The following GABBR2 variants were observed in gnomAD, a reference collection of about 807,000 sequenced individuals.
GABBR2 encodes the protein gamma-aminobutyric acid type B receptor subunit 2.
Under a neutral mutation model 105.6 loss-of-function variants are expected in GABBR2, and 23 were observed. The ratio of observed to expected loss-of-function variants is 0.22; its 90% CI spans 0.16 to 0.31. The LOEUF is 0.31. Among genes scored for constraint, GABBR2 ranks in the 10% least tolerant of loss-of-function variants. GABBR2 has a pLI of 1.00. For missense variants in GABBR2, 734 were observed against 1,245.5 expected, an observed-to-expected ratio of 0.59 and a Z score of 6.18; for synonymous variants, 478 against 499.7, an observed-to-expected ratio of 0.96 and a Z score of 0.58.
At position 98,290,344 on chromosome 9, in the gene GABBR2, G is replaced by T; in HGVS notation, c.*240C>A. 4.8e-6 allele frequency: 1 copy of T among 210,440 alleles called. No individual in the cohort carries two copies. The highest frequency in any genetic ancestry group is 9.2e-5 in the East Asian group (1 of 10,882). 13.0% of individuals were successfully genotyped at this position (210,440 alleles called of 1,614,324 possible). ...CTTGTTTGCAGATGTTAAGGAAGAC[G>T]TCCCATTTCCGTTCCTCTTCTTTGT... On this transcript the variant is annotated 3_prime_UTR_variant, in exon 19 of 19. Coordinates refer to ENST00000259455, the MANE Select transcript of GABBR2 (RefSeq NM_005458.8).
chr9:98,618,096 G>A (rs367715919), intron 1 of GABBR2, among the ~76,000 whole-genome samples: 10 of 152,228 alleles, frequency 6.6e-5, no homozygotes, highest in Admixed American at 3.3e-4. Flanking sequence ...ATGAAGAAAC[G>A]TGATTTTACC....
At chr9:98,504,679 T>C (rs1827470406) in intron 3 of GABBR2, among the ~76,000 whole-genome samples, 2 of 152,198 alleles carry the variant, frequency 1.3e-5, no homozygotes, top group Admixed American at 1.3e-4. Context: ...CTGACTAAAG[T>C]GTATAATTAT....
At chr9:98,319,976 T>C (rs1012996308) in intron 13 of GABBR2, among the ~76,000 whole-genome samples, 1 of 151,948 alleles carries the variant, frequency 6.6e-6, no homozygotes. Flanking sequence ...AATTGACAAA[T>C]GGGATCTAAT....
intron 7 of GABBR2, among the ~76,000 whole-genome samples, chr9:98,423,823 T>G (rs916436461): frequency 5.9e-5 from 9 of 152,350 alleles, no homozygotes; most frequent in Admixed American, 2.0e-4. Context: ...TTTCTACATA[T>G]GGCTAGCCAG....
intron 6 of GABBR2, among the ~76,000 whole-genome samples, chr9:98,456,389 C>T (rs1338044061): frequency 6.6e-6 from 1 of 152,130 alleles, no homozygotes; most frequent in African/African-American, 2.4e-5. Flanking sequence ...GTTGTAAAAG[C>T]CCCCAGCCTG....
chr9:98,316,688 C>A (rs1031096222), intron 13 of GABBR2, among the ~76,000 whole-genome samples: 1 of 152,174 alleles, frequency 6.6e-6, no homozygotes, highest in South Asian at 2.1e-4. Flanking sequence ...CTGACTTCAC[C>A]AGATAACATC....
At chr9:98,482,377 C>G (rs1001765153) in intron 4 of GABBR2, among the ~76,000 whole-genome samples, 1 of 152,122 alleles carries the variant, frequency 6.6e-6, no homozygotes, top group Non-Finnish European at 1.5e-5. Context: ...TTTAAAAGAT[C>G]GTTAACAGAG....
intron 14 of GABBR2, among the ~76,000 whole-genome samples, chr9:98,308,956 C>A (rs998414897): frequency 7.3e-5 from 11 of 151,604 alleles, no homozygotes; most frequent in Admixed American, 2.6e-4. Context: ...TCAATGAATG[C>A]TTTGGGGGAT....
chr9:98,530,370 G>A (rs756803178), intron 3 of GABBR2, among the ~76,000 whole-genome samples: 112 of 152,292 alleles, frequency 7.4e-4, no homozygotes, highest in Non-Finnish European at 1.3e-3. Flanking sequence ...CAGACTCCTG[G>A]CTTCCTCTTC....
chr9:98,341,996 G>A (rs1227832518), intron 13 of GABBR2, among the ~76,000 whole-genome samples: 1 of 152,162 alleles, frequency 6.6e-6, no homozygotes, highest in African/African-American at 2.4e-5. Context: ...CTTTGAGCCA[G>A]GCACTGGTGG....
chr9:98,700,502 C>G (rs148447274), intron 1 of GABBR2, among the ~76,000 whole-genome samples: 1 of 152,148 alleles, frequency 6.6e-6, no homozygotes, highest in Non-Finnish European at 1.5e-5. Context: ...TCTTCCTACC[C>G]GACTCTCCTT....
At chr9:98,648,721 T>TACCCCA (rs1210796773) in intron 1 of GABBR2, among the ~76,000 whole-genome samples, 9 of 152,094 alleles carry the variant, frequency 5.9e-5, no homozygotes, top group Non-Finnish European at 1.2e-4. Context: ...TTCCAGGCCT[T>TACCCCA]ACCCCAACCC....
intron 13 of GABBR2, among the ~76,000 whole-genome samples, chr9:98,355,589 G>A (rs1195855638): frequency 1.3e-5 from 2 of 152,136 alleles, no homozygotes; most frequent in African/African-American, 4.8e-5. Flanking sequence ...CTAAATAAAT[G>A]GAGAAATATT....
intron 11 of GABBR2, among the ~76,000 whole-genome samples, chr9:98,384,216 C>T (rs968072865): frequency 6.6e-6 from 1 of 152,156 alleles, no homozygotes; most frequent in African/African-American, 2.4e-5. Flanking sequence ...AGATCATAGT[C>T]AATGTCCAGA....
chr9:98,524,346 T>C (rs1394738779), intron 3 of GABBR2, among the ~76,000 whole-genome samples: 3 of 152,004 alleles, frequency 2.0e-5, no homozygotes, highest in Non-Finnish European at 4.4e-5. Flanking sequence ...GACAGCACAA[T>C]CACGGCAAAA....
At chr9:98,568,104 G>A (rs923562162) in intron 2 of GABBR2, among the ~76,000 whole-genome samples, 1 of 152,122 alleles carries the variant, frequency 6.6e-6, no homozygotes, top group Admixed American at 6.5e-5. Context: ...GGCTGGATGC[G>A]GGGACCACAT....
intron 1 of GABBR2, among the ~76,000 whole-genome samples, chr9:98,590,752 G>A (rs1213686874): frequency 6.6e-6 from 1 of 152,222 alleles, no homozygotes; most frequent in African/African-American, 2.4e-5. Flanking sequence ...GGGCACATTG[G>A]TTCAACATTG....
intron 2 of GABBR2, among the ~76,000 whole-genome samples, chr9:98,565,923 G>T (rs148970154): frequency 6.6e-6 from 1 of 152,174 alleles, no homozygotes. Context: ...AACACTGGAC[G>T]GGGCAGTCAG....
At chr9:98,603,112 T>C (rs1829364280) in intron 1 of GABBR2, among the ~76,000 whole-genome samples, 1 of 152,190 alleles carries the variant, frequency 6.6e-6, no homozygotes, top group African/African-American at 2.4e-5. Flanking sequence ...CTCAGCAAAT[T>C]TGGACTAAGA....
Sources: gnomAD v4.1 joint callset for allele counts (sites outside exome capture counted in the v4.1 genomes callset) on GRCh38, gnomAD v4.1.1 for gene constraint, MANE v1.5 for transcripts, NCBI Gene and HGNC (gene_info 2026-07-23, HGNC 2026-07-21) for gene names.